DRC8: variants seen among roughly 807,000 people sequenced by gnomAD.
DRC8 encodes the protein dynein regulatory complex subunit 8, also known as dynein regulatory complex protein 8.
At chr1:245,094,277 G>C in the DRC8 span, among the ~76,000 whole-genome samples, 1 of 152,072 alleles carries the variant, frequency 6.6e-6, no homozygotes, top group Non-Finnish European at 1.5e-5. Flanking sequence ...CACTGTTCTC[G>C]GAAAACCCCC....
the DRC8 span, among the ~76,000 whole-genome samples, chr1:245,008,649 A>ATC: frequency 6.7e-6 from 1 of 150,072 alleles, no homozygotes; most frequent in Non-Finnish European, 1.5e-5. Flanking sequence ...CAAAAATGTG[A>ATC]TCTCTTAACA....
chr1:245,104,425 A>G, the DRC8 span, among the ~76,000 whole-genome samples: 1 of 151,760 alleles, frequency 6.6e-6, no homozygotes, highest in Non-Finnish European at 1.5e-5. Context: ...AATCACTTGA[A>G]CCTGGGAGGC....
chr1:245,004,619 C>A, the DRC8 span, among the ~76,000 whole-genome samples: 1 of 152,178 alleles, frequency 6.6e-6, no homozygotes, highest in Non-Finnish European at 1.5e-5. Context: ...CTTTTGGCAT[C>A]TGTGCTATAA....
chr1:245,038,669 T>C, the DRC8 span, among the ~76,000 whole-genome samples: 7 of 152,188 alleles, frequency 4.6e-5, no homozygotes. Flanking sequence ...ACTGGATAGC[T>C]ATTTAGAAAA....
chr1:245,084,059 T>TCC, the DRC8 span, among the ~76,000 whole-genome samples: 128 of 31,084 alleles, frequency 4.1e-3, no homozygotes, highest in Admixed American at 6.3e-3. Context: ...ATATAAAAAT[T>TCC]CCGCCCCCCC....
At chr1:245,124,394 A>C in the DRC8 span, 1 of 152,216 alleles carries the variant, frequency 6.6e-6, no homozygotes, top group Non-Finnish European at 1.5e-5. Flanking sequence ...CTGGAGGGGA[A>C]TTCTAGGTGT....
chr1:245,110,924 G>A, the DRC8 span, among the ~76,000 whole-genome samples: 1 of 152,112 alleles, frequency 6.6e-6, no homozygotes, highest in Non-Finnish European at 1.5e-5. Context: ...TAAAATGGGA[G>A]GAAAGAAAGC....
At chr1:245,033,329 G>T in the DRC8 span, among the ~76,000 whole-genome samples, 1 of 152,196 alleles carries the variant, frequency 6.6e-6, no homozygotes, top group Admixed American at 6.5e-5. Context: ...CACTTACCCT[G>T]CCAACTGTAT....
At chr1:245,106,776 G>T in the DRC8 span, among the ~76,000 whole-genome samples, 1 of 152,308 alleles carries the variant, frequency 6.6e-6, no homozygotes, top group Non-Finnish European at 1.5e-5. Context: ...CTGGTGCAGT[G>T]GTTCACCCCT....
the DRC8 span, among the ~76,000 whole-genome samples, chr1:245,028,081 G>T: frequency 6.6e-6 from 1 of 152,066 alleles, no homozygotes; most frequent in East Asian, 1.9e-4. Flanking sequence ...GTAGAGACAG[G>T]GTCTCCCTAT....
chr1:245,059,381 TCCAGA>T, the DRC8 span: 1 of 1,604,922 alleles, frequency 6.2e-7, no homozygotes. Context: ...CTTTTTTTTT[TCCAGA>T]GAGATTGGAA....
At chr1:245,099,601 T>C in the DRC8 span, among the ~76,000 whole-genome samples, 154 of 152,320 alleles carry the variant, frequency 1.0e-3, 1 homozygote, top group African/African-American at 3.6e-3. Context: ...ATGCAAAGCC[T>C]TTCTGAAAAC....
the DRC8 span, among the ~76,000 whole-genome samples, chr1:245,093,114 G>A: frequency 1.3e-5 from 2 of 152,268 alleles, no homozygotes; most frequent in East Asian, 3.9e-4. Context: ...CCTGGGTGTG[G>A]ACAGGGAGGT....
the DRC8 span, among the ~76,000 whole-genome samples, chr1:245,099,169 C>G: frequency 6.6e-6 from 1 of 152,150 alleles, no homozygotes; most frequent in Non-Finnish European, 1.5e-5. Flanking sequence ...AACACCAAAA[C>G]TGGCTCCGTC....
chr1:244,990,375 G>A, the DRC8 span, among the ~76,000 whole-genome samples: 1 of 152,138 alleles, frequency 6.6e-6, no homozygotes, highest in Non-Finnish European at 1.5e-5. Context: ...TATGAATAGG[G>A]GAAAACATAG....
the DRC8 span, chr1:244,970,570 T>G: frequency 2.3e-5 from 30 of 1,278,704 alleles, no homozygotes; most frequent in Non-Finnish European, 3.1e-5. Flanking sequence ...AAGGGCGGCC[T>G]GAGGAGGGGG....
the DRC8 span, among the ~76,000 whole-genome samples, chr1:245,009,608 C>T: frequency 2.6e-5 from 4 of 151,676 alleles, no homozygotes; most frequent in African/African-American, 9.7e-5. Context: ...GCTGGGACTA[C>T]AGGCGCCCGC....
the DRC8 span, among the ~76,000 whole-genome samples, chr1:245,070,834 G>A: frequency 1.3e-5 from 2 of 152,180 alleles, no homozygotes; most frequent in African/African-American, 4.8e-5. Flanking sequence ...GTCTTCAGGG[G>A]GCAATTAAGT....
chr1:245,062,533 T>G, the DRC8 span, among the ~76,000 whole-genome samples: 1 of 152,182 alleles, frequency 6.6e-6, no homozygotes, highest in Non-Finnish European at 1.5e-5. Context: ...GAAAGGTTAT[T>G]TAGAGGTCTA....
Sources: allele counts gnomAD v4.1 joint callset (sites outside exome capture counted in the v4.1 genomes callset), GRCh38; gene constraint gnomAD v4.1.1; transcripts MANE v1.5; gene names NCBI Gene and HGNC (gene_info 2026-07-23, HGNC 2026-07-21).